The following IQGAP1 variants were observed in gnomAD, a reference collection of about 807,000 sequenced individuals.
IQGAP1 encodes the protein IQ motif containing GTPase activating protein 1, also known as ras GTPase-activating-like protein IQGAP1.
Under a neutral mutation model 215.6 loss-of-function variants are expected in IQGAP1, and 66 were observed. The observed-to-expected ratio is 0.31, with a 90% CI of 0.25 to 0.38. The LOEUF is 0.38. Among genes scored for constraint, IQGAP1 ranks in the 10% least tolerant of loss-of-function variants. IQGAP1 has a pLI of 1.00. For missense variants in IQGAP1, 1,712 were observed against 1,997.1 expected (o/e 0.86, Z 2.72); for synonymous variants, 772 against 728.7 (o/e 1.06, Z -0.96).
chr15:90,467,579 G>T lies in IQGAP1; in HGVS notation c.2165G>T (p.Arg722Leu), dbSNP rs1403061892. The change falls in exon 18 of 38, where the codon CGG (arginine) becomes CTG (leucine). Residue 722 changes from arginine (R) to leucine (L), a missense_variant. Arg to Leu is a moderately radical substitution (Grantham distance 102). Transcript: ENST00000268182. The stretch of plus-strand genomic sequence containing the variant: ...GTGCAAAATTCTATGCAGCTTTCTC[G>T]GGAGGAGATCCAGGTAGGTTACCTT... ...NFVQNSMQLS[R>L]EEIQSSISGV... 6.2e-7 allele frequency: 1 copy of T among 1,609,814 alleles called. No individual in the cohort carries two copies. Among genetic ancestry groups the T allele is most frequent in the Non-Finnish European group, 8.5e-7 (1 of 1,178,558 alleles).
intron 8 of IQGAP1, among the ~76,000 whole-genome samples, chr15:90,442,165 A>T (rs532147647): frequency 2.0e-5 from 3 of 152,298 alleles, no homozygotes; most frequent in African/African-American, 7.2e-5. Flanking sequence ...ATGTTTGTGT[A>T]CAGTTGTTAT....
At position 90,412,673 on chromosome 15, in the gene IQGAP1, T is replaced by C. The variant is rs576238053; in HGVS notation, c.156-13437T>C. Reference sequence around the variant, plus strand: ...CATTACCATATGGAAATTTCTAGGCTGTTTCCAATGCCTAGGTGGTGCTCA... The same window carrying C: ...CATTACCATATGGAAATTTCTAGGCCGTTTCCAATGCCTAGGTGGTGCTCA... On this transcript the variant is annotated intron_variant, in intron 2 of 37. Transcript: ENST00000268182. Among the ~76,000 whole-genome samples the C allele has an allele frequency of 3.9e-5, 6 of 152,356 alleles. No homozygotes were observed. In the East Asian group the frequency reaches 7.7e-4, roughly 20 times the overall value.
At chr15:90,498,330 C>T (rs1452896872) in intron 37 of IQGAP1, among the ~76,000 whole-genome samples, 1 of 147,334 alleles carries the variant, frequency 6.8e-6, no homozygotes, top group Non-Finnish European at 1.5e-5. Context: ...TTTTGTGATG[C>T]ACACAGCTAA....
rs1302362545 is a variant in IQGAP1, at chr15:90,433,804, A to C, written c.467+9A>C. On this transcript the variant is annotated intron_variant, in intron 5 of 37. Transcript: ENST00000268182. ...TGTATCCATGCACTCAGGTAGTCAA[A>C]TTTTCTTGGCAAAATAAGGAAATTA... The C allele has an allele frequency of 1.3e-6, 2 of 1,542,704 alleles. No homozygotes were observed. Among genetic ancestry groups the C allele is most frequent in the Non-Finnish European group, 1.8e-6 (2 of 1,126,442 alleles).
chr15:90,397,866 T>TTTTCTTTTC lies in IQGAP1; in HGVS notation c.155+6996_155+6997insCTTTTCTTT, dbSNP rs1567112857. 6 of 133,562 alleles carry TTTTCTTTTC rather than the reference T, an allele frequency of 4.5e-5. No individual in the cohort carries two copies. In the East Asian group the frequency reaches 1.2e-3, roughly 26 times the overall value. 8.3% of individuals were successfully genotyped at this position (133,562 alleles called of 1,614,324 possible). ...CACCTGGATAAAGGATATCCTGAAT[T>TTTTCTTTTC]TTTTCTTTTCTTTTTTTTTTTCTTT... On this transcript the variant is annotated intron_variant, in intron 2 of 37. Coordinates refer to ENST00000268182, the MANE Select transcript of IQGAP1 (RefSeq NM_003870.4).
chr15:90,484,409 G>A, intron 30 of IQGAP1, 57 bp downstream of exon 30: 1 of 1,443,564 alleles, frequency 6.9e-7, no homozygotes, highest in Non-Finnish European at 9.6e-7. Flanking sequence ...ATCCCTGGCT[G>A]CTGCTTATCA....
intron 18 of IQGAP1, among the ~76,000 whole-genome samples, chr15:90,469,814 TAGG>T (rs1366754392): frequency 6.6e-6 from 1 of 151,522 alleles, no homozygotes; most frequent in East Asian, 2.0e-4. Context: ...AAAAAGGAAG[TAGG>T]AGAGAAAATA....
chr15:90,440,600 G>C lies in IQGAP1; in HGVS notation c.634G>C (p.Val212Leu). The change falls in exon 7 of 38, where the codon GTG (valine) becomes CTG (leucine). Residue 212 changes from valine to leucine, a missense_variant. Coordinates refer to ENST00000268182, the MANE Select transcript of IQGAP1 (RefSeq NM_003870.4). The part of the protein sequence containing the change: ...IGGILANELS[V>L]DEAALHAAVI... ...GGGCATCTTGGCTAATGAACTGTCA[G>C]TGGATGAAGCCGCATGTAAGAAGAG... is the stretch of plus-strand genomic sequence containing the variant. 1 of 1,562,378 alleles carries C rather than the reference G, an allele frequency of 6.4e-7. No individual in the cohort carries two copies. Among genetic ancestry groups the C allele is most frequent in the Non-Finnish European group, 8.7e-7 (1 of 1,151,532 alleles).
intron 26 of IQGAP1, among the ~76,000 whole-genome samples, chr15:90,480,323 A>G (rs1218539014): frequency 6.6e-6 from 1 of 151,920 alleles, no homozygotes; most frequent in Non-Finnish European, 1.5e-5. Flanking sequence ...GCAGGTAAGC[A>G]TCACAGGTCC....
chr15:90,474,293 T>G, intron 22 of IQGAP1, 160 bp downstream of exon 22: 1 of 750,550 alleles, frequency 1.3e-6, no homozygotes, highest in African/African-American at 1.8e-5. Flanking sequence ...GCTAGGTGTC[T>G]TGTTGGCTTG....
intron 2 of IQGAP1, among the ~76,000 whole-genome samples, chr15:90,405,509 CTG>C (rs1382315792): frequency 5.9e-5 from 9 of 152,136 alleles, no homozygotes; most frequent in Non-Finnish European, 8.8e-5. Flanking sequence ...GTTTGAAAAA[CTG>C]TGTGGCTGAC....
At chr15:90,427,607 G>GCA (rs1372563152) in intron 3 of IQGAP1, among the ~76,000 whole-genome samples, 1 of 151,988 alleles carries the variant, frequency 6.6e-6, no homozygotes, top group East Asian at 1.9e-4. Context: ...AGGCTTGGTG[G>GCA]CGCACACCTG....
chr15:90,465,898 GTTCTTCCATA>G, intron 15 of IQGAP1, 93 bp from the exon 16 acceptor site: 1 of 892,780 alleles, frequency 1.1e-6, no homozygotes, highest in Non-Finnish European at 1.9e-6. Context: ...TTTTAAGCCT[GTTCTTCCATA>G]TTTAATTGAG....
chr15:90,450,322 T>C (rs1390574427), intron 11 of IQGAP1, among the ~76,000 whole-genome samples: 1 of 145,168 alleles, frequency 6.9e-6, no homozygotes, highest in African/African-American at 2.5e-5. Flanking sequence ...ATTATGTGTA[T>C]ACACTACCTT....
In IQGAP1 at chr15:90,426,128, A is replaced by G; in HGVS notation, c.174A>G (p.Leu58=). 6.2e-7 allele frequency: 1 copy of G among 1,606,174 alleles called. No individual in the cohort carries two copies. Among genetic ancestry groups the G allele is most frequent in the South Asian group, 1.1e-5 (1 of 90,298 alleles). Residue 58 remains leucine (L), a synonymous_variant, in exon 3 of 38, where the codon CTA becomes CTG. Transcript: ENST00000268182. ...GGTGCAGGTGGATGGAAGCATGCCTAGGGGAAGATCTGCCTCCCACCACAG... is the reference window on the plus strand; with the variant it reads ...GGTGCAGGTGGATGGAAGCATGCCTGGGGGAAGATCTGCCTCCCACCACAG... ...EEAKRWMEAC[L]GEDLPPTTEL... is the part of the protein sequence containing the mutation.
chr15:90,391,744 T>G (rs1964639243), intron 2 of IQGAP1: 1 of 152,168 alleles, frequency 6.6e-6, no homozygotes, highest in Non-Finnish European at 1.5e-5. Flanking sequence ...AATTTTAGAG[T>G]GTCATTTTGT....
intron 34 of IQGAP1, 36 bp from the exon 35 acceptor site, chr15:90,492,509 G>A (rs202022171): frequency 3.3e-6 from 5 of 1,524,168 alleles, no homozygotes; most frequent in Middle Eastern, 1.7e-4. Flanking sequence ...AATGATAACT[G>A]TCGTTATTTT....
intron 2 of IQGAP1, among the ~76,000 whole-genome samples, chr15:90,392,939 T>C (rs2151693621): frequency 6.6e-6 from 1 of 151,972 alleles, no homozygotes; most frequent in East Asian, 1.9e-4. Flanking sequence ...GAGACTGGGT[T>C]TCACCATAAT....
intron 2 of IQGAP1, among the ~76,000 whole-genome samples, chr15:90,399,425 G>A (rs1365106220): frequency 6.6e-6 from 1 of 151,978 alleles, no homozygotes; most frequent in Non-Finnish European, 1.5e-5. Context: ...TATGTGCCTG[G>A]CTTCTAGGGT....
Sources: allele counts gnomAD v4.1 joint callset (sites outside exome capture counted in the v4.1 genomes callset), GRCh38; gene constraint gnomAD v4.1.1; transcripts MANE v1.5; gene names NCBI Gene and HGNC (gene_info 2026-07-23, HGNC 2026-07-21).